Variants in OAS2 observed in about 807,000 individuals in gnomAD.
OAS2 encodes the protein 2'-5'-oligoadenylate synthase 2.
Under a neutral mutation model 71.3 loss-of-function variants are expected in OAS2, and 67 were observed. The ratio of observed to expected loss-of-function variants is 0.94; its 90% CI spans 0.77 to 1.15. OAS2 has a LOEUF of 1.15. Among genes scored for constraint, OAS2 ranks in the 50% most tolerant of loss-of-function variants. The pLI, the probability that OAS2 is intolerant of heterozygous loss-of-function variation, is 0.00. For synonymous variants in OAS2, 327 were observed against 321.8 expected (o/e 1.02, Z -0.17); for missense variants, 789 against 822.5 (o/e 0.96, Z 0.50).
Position 112,998,259 on chromosome 12 carries a change from T to C in OAS2, c.864-7T>C. 1.2e-6 allele frequency: 2 copies of C among 1,610,742 alleles called. No homozygotes were observed. Among genetic ancestry groups the C allele is most frequent in the Non-Finnish European group, 1.7e-6 (2 of 1,178,774 alleles). On this transcript the variant is annotated splice_region_variant and splice_polypyrimidine_tract_variant and intron_variant, in intron 4 of 9. Transcript: ENST00000392583. The stretch of plus-strand genomic sequence containing the variant: ...ACTGACTTTTTTTAATCTAATGGAA[T>C]ACACAGGCCAGTAATCTTGGATCCA...
At chr12:112,983,644 T>A (rs2044103809) in intron 1 of OAS2, among the ~76,000 whole-genome samples, 1 of 152,226 alleles carries the variant, frequency 6.6e-6, no homozygotes, top group South Asian at 2.1e-4. Flanking sequence ...GGTTTTGGTA[T>A]GTTGTGTTTC....
At chr12:112,982,731 A>T (rs1284563492) in intron 1 of OAS2, among the ~76,000 whole-genome samples, 1 of 152,118 alleles carries the variant, frequency 6.6e-6, no homozygotes, top group Non-Finnish European at 1.5e-5. Flanking sequence ...TTTTTTTGGA[A>T]TAGTTTGAGA....
In OAS2 at chr12:112,997,574, C is replaced by T; in HGVS notation, c.682C>T (p.Leu228Phe). 6.2e-7 allele frequency: 1 copy of T among 1,614,158 alleles called. No individual in the cohort carries two copies. Among genetic ancestry groups the T allele is most frequent in the Non-Finnish European group, 8.5e-7 (1 of 1,180,016 alleles). ...PSLSPYALEL[L>F]TVYAWEQGCR... Reference sequence around the variant, plus strand: ...GCTGTCTCCGTATGCCCTGGAGCTGCTTACGGTGTATGCCTGGGAACAGGG... The same window carrying T: ...GCTGTCTCCGTATGCCCTGGAGCTGTTTACGGTGTATGCCTGGGAACAGGG... The change falls in exon 4 of 10, where the codon CTT (leucine) becomes TTT (phenylalanine). Residue 228 changes from leucine to phenylalanine, a missense_variant. Leu to Phe is a conservative substitution (Grantham distance 22). Coordinates refer to ENST00000392583, the MANE Select transcript of OAS2 (RefSeq NM_002535.3).
chr12:113,002,566 A>C (rs911015809), intron 5 of OAS2, among the ~76,000 whole-genome samples: 1 of 152,234 alleles, frequency 6.6e-6, no homozygotes, highest in Non-Finnish European at 1.5e-5. Context: ...GGGAAGGACC[A>C]GAGGTGTAGG....
chr12:113,001,411 T>C (rs1191375928), intron 5 of OAS2, among the ~76,000 whole-genome samples: 15 of 149,664 alleles, frequency 1.0e-4, no homozygotes, highest in African/African-American at 3.2e-4. Context: ...CATATATACA[T>C]ATATACACAT....
rs556088600 is a variant in OAS2, at chr12:113,011,524, A to G, written c.*2269A>G. The G allele has an allele frequency of 4.6e-5, 7 of 152,344 alleles. No homozygotes were observed. The highest frequency in any genetic ancestry group is 1.3e-4 in the Admixed American group (2 of 15,300). 9.4% of individuals were successfully genotyped at this position (152,344 alleles called of 1,614,324 possible). On this transcript the variant is annotated 3_prime_UTR_variant, in exon 10 of 10. Transcript: ENST00000392583. The stretch of plus-strand genomic sequence containing the variant: ...ATGCTGCCTATGTAAAGAAACCCCA[A>G]TAAAAACTCTGGACAGTGAGGCTTG...
At chr12:112,992,546 T>TGG (rs1344588966) in intron 2 of OAS2, among the ~76,000 whole-genome samples, 2 of 152,106 alleles carry the variant, frequency 1.3e-5, no homozygotes, top group African/African-American at 2.4e-5. Context: ...CAGAGTACCT[T>TGG]CCATCACCTA....
intron 2 of OAS2, chr12:112,987,923 C>T (rs2044155335): frequency 1.0e-6 from 1 of 985,562 alleles, no homozygotes; most frequent in Non-Finnish European, 1.2e-6. Context: ...CATTCCCACA[C>T]TCTTGCATAT....
At chr12:112,979,182 T>C (rs967117943) in intron 1 of OAS2, among the ~76,000 whole-genome samples, 4 of 152,204 alleles carry the variant, frequency 2.6e-5, no homozygotes. Flanking sequence ...TTGTTCAAAC[T>C]ACCCAGGTTG....
At chr12:113,000,707 CCATGCACACACATGCACTCACACA>C (rs937280836) in intron 5 of OAS2, among the ~76,000 whole-genome samples, 6 of 149,712 alleles carry the variant, frequency 4.0e-5, no homozygotes, top group Non-Finnish European at 7.4e-5. Flanking sequence ...TGCATGCACA[CCATGCACACACATGCACTCACACA>C]CATGCACACA....
chr12:113,006,705 T>C lies in OAS2; in HGVS notation c.1656+105T>C. The C allele has an allele frequency of 3.0e-6, 3 of 996,144 alleles. No individual in the cohort carries two copies. In the South Asian group the frequency reaches 7.0e-5, roughly 23 times the overall value. 61.7% of individuals were successfully genotyped at this position (996,144 alleles called of 1,614,324 possible). A position where few individuals can be genotyped will look rare whatever the true frequency, so the allele number is the denominator to read the frequency against. On this transcript the variant is annotated intron_variant, in intron 8 of 9. Coordinates refer to ENST00000392583, the MANE Select transcript of OAS2 (RefSeq NM_002535.3). ...TCTCCCATGCTGAGGGCTGAGCCAC[T>C]TTGGAGAATCTGCCCACTGGATATC... is the stretch of plus-strand genomic sequence containing the variant.
intron 5 of OAS2, among the ~76,000 whole-genome samples, chr12:113,001,863 CAA>C (rs71086131): frequency 1.8e-3 from 39 of 21,860 alleles, no homozygotes; most frequent in African/African-American, 7.4e-3. Flanking sequence ...CCCATCTCTA[CAA>C]AAAAAAAAAA....
intron 2 of OAS2, chr12:112,988,177 AG>A (rs74870925): frequency 0.17 from 169,905 of 985,224 alleles, 15,602 homozygotes; most frequent in East Asian, 0.41. Context: ...ACTTAAAGGC[AG>A]CATTAATGAG....
intron 5 of OAS2, among the ~76,000 whole-genome samples, chr12:113,000,514 AAACATG>A (rs1286218428): frequency 7.7e-5 from 10 of 129,204 alleles, no homozygotes; most frequent in Non-Finnish European, 1.6e-4. Flanking sequence ...ATGCATACAC[AAACATG>A]CACACACACA....
At chr12:112,988,686 C>T in intron 2 of OAS2, 1 of 985,420 alleles carries the variant, frequency 1.0e-6, no homozygotes, top group East Asian at 1.1e-4. Context: ...AATGACAGCT[C>T]CTTAGAATTT....
At chr12:113,005,903 A>AAAC (rs576604857) in intron 7 of OAS2, among the ~76,000 whole-genome samples, 1,172 of 46,560 alleles carry the variant, frequency 0.025, 84 homozygotes, top group African/African-American at 0.07. Flanking sequence ...AAAAAGCAAA[A>AAAC]AACAACAACA....
intron 2 of OAS2, among the ~76,000 whole-genome samples, chr12:112,993,968 G>C (rs1282850721): frequency 2.0e-5 from 3 of 151,740 alleles, no homozygotes; most frequent in Admixed American, 2.0e-4. Flanking sequence ...TTTGTGGGGG[G>C]GGGAGGGTTG....
At chr12:113,008,124 G>A (rs2136396032) in intron 9 of OAS2, among the ~76,000 whole-genome samples, 181 bp downstream of exon 9, 1 of 152,270 alleles carries the variant, frequency 6.6e-6, no homozygotes, top group South Asian at 2.1e-4. Context: ...AGAAAATGCT[G>A]TTCAGAAAAA....
chr12:112,997,445 T>G (rs1448557922), intron 3 of OAS2, 75 bp from the exon 4 acceptor site: 1 of 1,272,026 alleles, frequency 7.9e-7, no homozygotes, highest in Admixed American at 2.0e-5. Flanking sequence ...AGACCTCTGG[T>G]TTCTTGATTT....
Sources: gnomAD v4.1 joint callset for allele counts (sites outside exome capture counted in the v4.1 genomes callset) on GRCh38, gnomAD v4.1.1 for gene constraint, MANE v1.5 for transcripts, NCBI Gene and HGNC (gene_info 2026-07-23, HGNC 2026-07-21) for gene names.